The following NIPAL3 variants were observed in gnomAD, a reference collection of about 807,000 sequenced individuals.
The protein encoded by NIPAL3 is NIPA-like protein 3.
A neutral mutation model predicts 47.2 loss-of-function variants in NIPAL3; 41 were observed. The ratio of observed to expected loss-of-function variants is 0.87; its 90% CI spans 0.68 to 1.13. NIPAL3 has a LOEUF of 1.13. Ranked by LOEUF, NIPAL3 falls within the 50% of genes most tolerant of loss-of-function variation. The pLI is 0.00. For missense variants in NIPAL3, 449 were observed against 530.1 expected, an observed-to-expected ratio of 0.85 and a Z score of 1.50; for synonymous variants, 194 against 209.6, an observed-to-expected ratio of 0.93 and a Z score of 0.64.
chr1:24,469,595 T>C lies in NIPAL3; in HGVS notation c.*410T>C, dbSNP rs556343948. 3.2e-4 allele frequency: 55 copies of C among 171,088 alleles called. No individual in the cohort carries two copies. Among genetic ancestry groups the C allele is most frequent in the Non-Finnish European group, 4.3e-4 (34 of 78,706 alleles). The allele number at this position is 171,088 out of a possible 1,614,324, so 10.6% of individuals were successfully genotyped here. On this transcript the variant is annotated 3_prime_UTR_variant, in exon 12 of 12. Transcript: ENST00000374399. ...AAAGGCTGGACATCTCTAAATCTCG[T>C]CTTCCTCCACCTCATGTGCATGCCT...
intron 7 of NIPAL3, chr1:24,453,972 TG>T: frequency 2.2e-6 from 1 of 450,152 alleles, no homozygotes; most frequent in South Asian, 1.6e-5. Context: ...GAGGGATGGG[TG>T]CTGTGGAAGA....
At chr1:24,447,308 T>C (rs779014400) in intron 5 of NIPAL3, among the ~76,000 whole-genome samples, 3 of 152,186 alleles carry the variant, frequency 2.0e-5, no homozygotes, top group African/African-American at 7.2e-5. Context: ...GAGAGATGGA[T>C]AGATTTGTGA....
chr1:24,423,354 T>A (rs899837226), intron 2 of NIPAL3, among the ~76,000 whole-genome samples: 4 of 152,212 alleles, frequency 2.6e-5, no homozygotes, highest in African/African-American at 4.8e-5. Context: ...GTTGCTTACA[T>A]TTCCTAAAAG....
upstream of NIPAL3, chr1:24,414,517 G>C (rs1328974544): frequency 6.6e-6 from 1 of 150,558 alleles, no homozygotes; most frequent in Non-Finnish European, 1.5e-5. Context: ...TTTAAATTTA[G>C]GGTGAAATCC....
upstream of NIPAL3, chr1:24,413,735 A>T (rs11249106): frequency 0.19 from 28,994 of 152,244 alleles, 3,236 homozygotes; most frequent in East Asian, 0.3. Context: ...TGGCACCCAC[A>T]GGCCTAACAT....
intron 4 of NIPAL3, among the ~76,000 whole-genome samples, chr1:24,444,622 A>T (rs1645569492): frequency 6.6e-6 from 1 of 152,222 alleles, no homozygotes. Context: ...TAGGGTAGTG[A>T]GTGATCCAGG....
chr1:24,452,258 C>CT (rs1172424303), intron 6 of NIPAL3, among the ~76,000 whole-genome samples: 6 of 152,158 alleles, frequency 3.9e-5, no homozygotes, highest in African/African-American at 1.4e-4. Flanking sequence ...CAAACTCGGA[C>CT]TTGCCATCGT....
At position 24,437,440 on chromosome 1, in the gene NIPAL3, C is replaced by T. The variant is rs372348675; in HGVS notation, c.94-2732C>T. 2.8e-4 allele frequency among the ~76,000 whole-genome samples: 42 copies of T among 152,300 alleles called. 1 individual carries two copies. The Middle Eastern group carries it at 0.017, about 62-fold the overall frequency. ...GGCTCTAAGGGGGAAGAAAAAACCT[C>T]GCTCATGTTTATGAGAAGTTGGGCT... On this transcript the variant is annotated intron_variant, in intron 2 of 11. Transcript: ENST00000374399.
At chr1:24,452,217 A>T (rs1420636023) in intron 6 of NIPAL3, among the ~76,000 whole-genome samples, 2 of 152,178 alleles carry the variant, frequency 1.3e-5, no homozygotes, top group Non-Finnish European at 2.9e-5. Context: ...GTAGAAAGGA[A>T]CAGTTGTTGA....
chr1:24,445,527 A>G (rs1306219985), intron 5 of NIPAL3, among the ~76,000 whole-genome samples: 2 of 152,338 alleles, frequency 1.3e-5, no homozygotes, highest in African/African-American at 2.4e-5. Context: ...GCCTAAGAAA[A>G]GAAACCCTCT....
At chr1:24,463,218 A>C (rs1439089461) in intron 10 of NIPAL3, among the ~76,000 whole-genome samples, 3 of 152,150 alleles carry the variant, frequency 2.0e-5, no homozygotes, top group Non-Finnish European at 1.5e-5. Context: ...AAAAAGGAAG[A>C]TGAATCTTAA....
chr1:24,428,286 GAGAGAGAGAGAGAGAGAC>G (rs1557491529), intron 2 of NIPAL3, among the ~76,000 whole-genome samples: 2 of 151,432 alleles, frequency 1.3e-5, no homozygotes, highest in Non-Finnish European at 2.9e-5. Flanking sequence ...GAGAGAGAGA[GAGAGAGAGAGAGAGAGAC>G]ACCAGAACCT....
At chr1:24,442,832 T>C (rs1645459093) in intron 4 of NIPAL3, among the ~76,000 whole-genome samples, 1 of 152,162 alleles carries the variant, frequency 6.6e-6, no homozygotes, top group South Asian at 2.1e-4. Flanking sequence ...TAGCTGGGCA[T>C]GGTGGTATGC....
chr1:24,463,662 A>C (rs766916996), intron 10 of NIPAL3, among the ~76,000 whole-genome samples: 4 of 152,250 alleles, frequency 2.6e-5, no homozygotes, highest in Non-Finnish European at 5.9e-5. Flanking sequence ...TCTATACTTC[A>C]GTAATGATTG....
intron 4 of NIPAL3, 96 bp downstream of exon 4, chr1:24,442,322 G>T: frequency 7.4e-7 from 1 of 1,359,326 alleles, no homozygotes; most frequent in East Asian, 2.3e-5. Context: ...GAACAAACCA[G>T]CTTTAGCTTG....
At chr1:24,426,126 C>T (rs1216052451) in intron 2 of NIPAL3, among the ~76,000 whole-genome samples, 2 of 152,306 alleles carry the variant, frequency 1.3e-5, no homozygotes, top group Non-Finnish European at 2.9e-5. Flanking sequence ...CATGGCCACA[C>T]AGTCAATGGG....
In NIPAL3 at chr1:24,449,510, G is replaced by A. The variant is rs148297570; in HGVS notation, c.424G>A (p.Gly142Ser). Reference protein sequence around the residue: ...RRYVLSFVGCGLAVVGTYLLV... With the variant: ...RRYVLSFVGCSLAVVGTYLLV... The stretch of plus-strand genomic sequence containing the variant: ...CTACGTCTTGTCCTTTGTTGGCTGC[G>A]GTTTGGCTGTCGTGGGTACCTACCT... Residue 142 changes from glycine (G) to serine (S), a missense_variant, in exon 6 of 12, where the codon GGT (glycine) becomes AGT (serine). By Grantham distance (56) the Gly-to-Ser change is moderately conservative. Coordinates refer to ENST00000374399, the MANE Select transcript of NIPAL3 (RefSeq NM_020448.5). The surrounding 1 kb of genome is among the most constrained non-coding windows in gnomAD (Gnocchi z 4.5). 6.3e-5 allele frequency: 101 copies of A among 1,613,902 alleles called. No homozygotes were observed. Among genetic ancestry groups the A allele is most frequent in the South Asian group, 1.3e-4 (12 of 91,066 alleles).
At chr1:24,452,853 ATTTT>A (rs3054551) in intron 6 of NIPAL3, among the ~76,000 whole-genome samples, 11 of 124,188 alleles carry the variant, frequency 8.9e-5, no homozygotes, top group Non-Finnish European at 1.3e-4. Context: ...CGCCCAGCTA[ATTTT>A]TTTTTTTTTT....
chr1:24,440,717 T>A (rs542047309), intron 3 of NIPAL3, among the ~76,000 whole-genome samples: 1 of 152,240 alleles, frequency 6.6e-6, no homozygotes, highest in East Asian at 1.9e-4. Context: ...GAGCTTCTCA[T>A]GGGGGCACCA....
Sources: gnomAD v4.1 joint callset for allele counts (sites outside exome capture counted in the v4.1 genomes callset) on GRCh38, gnomAD v4.1.1 for gene constraint, Gnocchi (gnomAD v3.1) non-coding constraint, MANE v1.5 for transcripts, NCBI Gene and HGNC (gene_info 2026-07-23, HGNC 2026-07-21) for gene names.